Variants in CEP112 observed in about 807,000 individuals in gnomAD.
CEP112 encodes centrosomal protein 112, also known as centrosomal protein of 112 kDa.
CEP112 carries 127 observed loss-of-function variants against 153.0 expected under a neutral mutation model. That is an observed-to-expected ratio of 0.83 (90% confidence interval 0.72 to 0.96). The LOEUF (loss-of-function observed/expected upper bound fraction) is 0.96. CEP112 is among the 40% of genes least tolerant of loss of function. CEP112 has a pLI of 0.00. For missense variants in CEP112, 1,089 were observed against 1,101.2 expected, an observed-to-expected ratio of 0.99 and a Z score of 0.16; for synonymous variants, 358 against 374.4, an observed-to-expected ratio of 0.96 and a Z score of 0.51.
intron 1 of CEP112, among the ~76,000 whole-genome samples, chr17:66,184,156 C>T (rs2072833114): frequency 6.6e-6 from 1 of 152,046 alleles, no homozygotes; most frequent in Non-Finnish European, 1.5e-5. Flanking sequence ...ACTTGGGATG[C>T]TGAGGTGGGA....
rs182739716 is a variant in CEP112 at position 65,770,861 on chromosome 17, A to G, written c.2395-20137T>C. Among the ~76,000 whole-genome samples the G allele has an allele frequency of 8.1e-3, 1,225 of 151,726 alleles. 14 individuals are homozygous for G. The highest frequency in any genetic ancestry group is 0.02 in the South Asian group (94 of 4,810). On this transcript the variant is annotated intron_variant, in intron 21 of 26. Coordinates refer to ENST00000535342, the MANE Select transcript of CEP112 (RefSeq NM_001199165.4). ...AATAAGCTAATAGTAGAAATAAAATAAAATGTTAAGAAATAATTAATTCAG... is the reference window on the plus strand; with the variant it reads ...AATAAGCTAATAGTAGAAATAAAATGAAATGTTAAGAAATAATTAATTCAG...
intron 21 of CEP112, among the ~76,000 whole-genome samples, chr17:65,835,193 T>TAAAAAAAAAA (rs35890393): frequency 1.5e-5 from 2 of 130,862 alleles, no homozygotes; most frequent in African/African-American, 3.0e-5. Flanking sequence ...AAAATAAAAG[T>TAAAAAAAAAA]AAAAAAAAAA....
At chr17:65,804,182 C>G (rs1219363171) in intron 21 of CEP112, among the ~76,000 whole-genome samples, 2 of 152,064 alleles carry the variant, frequency 1.3e-5, no homozygotes, top group Non-Finnish European at 2.9e-5. Flanking sequence ...TCTGGTTTCC[C>G]TAAGCCAAAA....
intron 24 of CEP112, chr17:65,688,483 G>A (rs1204331396): frequency 6.6e-6 from 1 of 152,318 alleles, no homozygotes; most frequent in Non-Finnish European, 1.5e-5. Flanking sequence ...TAAAGGGAGG[G>A]GGTAGTTTCC....
At chr17:66,060,597 AT>A (rs1288599233) in intron 11 of CEP112, among the ~76,000 whole-genome samples, 5 of 152,186 alleles carry the variant, frequency 3.3e-5, no homozygotes, top group African/African-American at 1.2e-4. Context: ...CAGAAAAAAA[AT>A]CCACACATTT....
At chr17:65,937,797 G>A (rs1468447336) in intron 18 of CEP112, among the ~76,000 whole-genome samples, 1 of 101,500 alleles carries the variant, frequency 9.9e-6, no homozygotes, top group Non-Finnish European at 2.0e-5. Context: ...GGGGGTGGGG[G>A]GGGTCAGCCC....
intron 21 of CEP112, among the ~76,000 whole-genome samples, chr17:65,808,535 G>A (rs1427475607): frequency 6.6e-6 from 1 of 152,128 alleles, no homozygotes; most frequent in East Asian, 1.9e-4. Flanking sequence ...CACGTGTCAG[G>A]GGAGGGGCCT....
At chr17:65,861,906 A>C (rs544822126) in intron 20 of CEP112, among the ~76,000 whole-genome samples, 2 of 152,368 alleles carry the variant, frequency 1.3e-5, no homozygotes, top group East Asian at 3.9e-4. Flanking sequence ...CACCAGGCAC[A>C]TGCCCAATAA....
At chr17:66,107,276 C>T (rs779053347) in intron 6 of CEP112, among the ~76,000 whole-genome samples, 6 of 151,878 alleles carry the variant, frequency 4.0e-5, no homozygotes, top group Non-Finnish European at 8.8e-5. Context: ...CAACATAGTA[C>T]CGAAAGTCCT....
intron 21 of CEP112, among the ~76,000 whole-genome samples, chr17:65,783,505 C>T (rs1031372599): frequency 1.3e-5 from 2 of 152,156 alleles, no homozygotes; most frequent in African/African-American, 4.8e-5. Flanking sequence ...CATAACACTT[C>T]TATTCACAAT....
chr17:66,051,132 C>T (rs1401050), intron 12 of CEP112, among the ~76,000 whole-genome samples: 1 of 148,682 alleles, frequency 6.7e-6, no homozygotes, highest in African/African-American at 2.4e-5. Context: ...AGCACACCCC[C>T]CCGGGCCTAG....
chr17:65,933,852 G>C (rs1375509104), intron 18 of CEP112, among the ~76,000 whole-genome samples: 1 of 152,120 alleles, frequency 6.6e-6, no homozygotes, highest in Admixed American at 6.5e-5. Flanking sequence ...CTAGTATGAT[G>C]CTTAAAAAAC....
chr17:66,042,260 GA>G (rs933234186), intron 12 of CEP112, among the ~76,000 whole-genome samples: 1 of 152,172 alleles, frequency 6.6e-6, no homozygotes, highest in African/African-American at 2.4e-5. Context: ...TGAAGCAGGA[GA>G]ATCACCTGAA....
At chr17:65,918,032 TA>T (rs2060560048) in intron 19 of CEP112, among the ~76,000 whole-genome samples, 1 of 151,798 alleles carries the variant, frequency 6.6e-6, no homozygotes, top group Admixed American at 6.6e-5. Flanking sequence ...AAGAAAAAAT[TA>T]GCCAGGCGTG....
chr17:65,780,389 C>T (rs181936385), intron 21 of CEP112, among the ~76,000 whole-genome samples: 1 of 152,186 alleles, frequency 6.6e-6, no homozygotes, highest in African/African-American at 2.4e-5. Flanking sequence ...GAAACTGAAA[C>T]TCATTTATTA....
At chr17:65,849,194 C>A (rs2057834109) in intron 21 of CEP112, among the ~76,000 whole-genome samples, 1 of 152,144 alleles carries the variant, frequency 6.6e-6, no homozygotes, top group Non-Finnish European at 1.5e-5. Flanking sequence ...TTTCCTTATT[C>A]TTTTGACTTA....
At chr17:65,714,255 T>G (rs2049369593) in intron 23 of CEP112, among the ~76,000 whole-genome samples, 2 of 152,132 alleles carry the variant, frequency 1.3e-5, no homozygotes, top group Admixed American at 1.3e-4. Context: ...CATGTACATA[T>G]GTACATAAAT....
intron 12 of CEP112, among the ~76,000 whole-genome samples, chr17:66,032,580 G>A (rs2065535118): frequency 6.6e-6 from 1 of 152,168 alleles, no homozygotes; most frequent in Admixed American, 6.5e-5. Context: ...GTCCCTGAAT[G>A]GATCCAGTGA....
intron 12 of CEP112, among the ~76,000 whole-genome samples, chr17:66,048,564 C>A (rs1356189539): frequency 6.6e-6 from 1 of 152,204 alleles, no homozygotes; most frequent in Non-Finnish European, 1.5e-5. Context: ...CCTTCTTGCA[C>A]TTACAATACA....
Sources: allele counts gnomAD v4.1 joint callset (sites outside exome capture counted in the v4.1 genomes callset), GRCh38; gene constraint gnomAD v4.1.1; transcripts MANE v1.5; gene names NCBI Gene and HGNC (gene_info 2026-07-23, HGNC 2026-07-21).